The following CUBN variants were observed in gnomAD, a reference collection of about 807,000 sequenced individuals.
The protein encoded by CUBN is 460 kDa receptor.
A neutral mutation model predicts 405.3 loss-of-function variants in CUBN; 282 were observed. That is an observed-to-expected ratio of 0.70 (90% CI 0.63 to 0.77). CUBN has a LOEUF of 0.77. Among genes scored for constraint, CUBN ranks in the 30% least tolerant of loss-of-function variants. CUBN has a pLI of 0.00. For missense variants in CUBN, 4,514 were observed against 4,475.2 expected, an observed-to-expected ratio of 1.01 and a Z score of -0.25; for synonymous variants, 1,684 against 1,617.0, an observed-to-expected ratio of 1.04 and a Z score of -0.99.
At chr10:16,995,922 G>T (rs7095468) in intron 28 of CUBN, among the ~76,000 whole-genome samples, 1 of 152,130 alleles carries the variant, frequency 6.6e-6, no homozygotes. Context: ...CATTGTAGAG[G>T]TGAGCAAAGT....
At position 17,068,696 on chromosome 10, in the gene CUBN, T is replaced by A. The variant is rs766138396; in HGVS notation, c.2700A>T (p.Thr900=). 27 of 1,612,028 alleles carry A rather than the reference T, an allele frequency of 1.7e-5. No homozygotes were observed. The highest frequency in any genetic ancestry group is 2.2e-5 in the Non-Finnish European group (26 of 1,178,360). The change falls in exon 20 of 67, where the codon ACA becomes ACT. Residue 900 remains threonine (T), a synonymous_variant. Coordinates refer to ENST00000377833, the MANE Select transcript of CUBN (RefSeq NM_001081.4). ...YCGTDIPSFI[T]SVYNFLYVTF... ...TGACATAAAGAAAATTGTACACAGA[T>A]GTTATAAATGAAGGTATGTCTGTAC...
At chr10:17,024,793 A>G (rs551688905) in intron 27 of CUBN, among the ~76,000 whole-genome samples, 48 of 152,314 alleles carry the variant, frequency 3.2e-4, no homozygotes, top group Admixed American at 2.2e-3. Context: ...AGTGCGAGCC[A>G]CCATGCCCAG....
Position 16,933,245 on chromosome 10 carries a change from A to G in CUBN, c.5966T>C (p.Val1989Ala), listed in dbSNP as rs1842412129. The change falls in exon 40 of 67, where the codon GTG becomes GCG. Residue 1989 changes from valine (V) to alanine (A), a missense_variant. Physicochemically the swap from Val to Ala is moderately conservative, Grantham distance 64. Transcript: ENST00000377833. ...GGFLRTGDAP[V>A]FLFSPGWPDS... is the part of the protein sequence containing the mutation. ...AGGCCAGCCCGGGGAGAAGAGAAAC[A>G]CGGGTGCATCTCCCGTCCTCAGGAA... 3 of 1,613,844 alleles carry G rather than the reference A, an allele frequency of 1.9e-6. No homozygotes were observed. The highest frequency in any genetic ancestry group is 2.5e-6 in the Non-Finnish European group (3 of 1,179,992).
chr10:16,896,526 C>CT (rs1841188318), intron 54 of CUBN, among the ~76,000 whole-genome samples: 1 of 152,168 alleles, frequency 6.6e-6, no homozygotes, highest in African/African-American at 2.4e-5. Flanking sequence ...GAGAAATCTG[C>CT]TTTTATTCTA....
At chr10:17,082,407 T>G (rs1242276696) in intron 17 of CUBN, among the ~76,000 whole-genome samples, 2 of 152,208 alleles carry the variant, frequency 1.3e-5, no homozygotes, top group Non-Finnish European at 2.9e-5. Flanking sequence ...TGATTTTTTG[T>G]GCAAACTTTT....
At chr10:17,101,179 T>A (rs189808365) in intron 13 of CUBN, among the ~76,000 whole-genome samples, 2 of 152,200 alleles carry the variant, frequency 1.3e-5, no homozygotes, top group Non-Finnish European at 2.9e-5. Flanking sequence ...TAAATGAAAC[T>A]CAAATGTTCA....
intron 54 of CUBN, among the ~76,000 whole-genome samples, chr10:16,897,155 A>G (rs1479325969): frequency 6.6e-6 from 1 of 152,218 alleles, no homozygotes; most frequent in African/African-American, 2.4e-5. Context: ...CACTGTTGAC[A>G]TCACTTGATT....
chr10:16,928,524 A>T (rs376516470), intron 40 of CUBN, among the ~76,000 whole-genome samples: 10 of 99,674 alleles, frequency 1.0e-4, no homozygotes, highest in Admixed American at 3.4e-4. Flanking sequence ...ACCCCACCCC[A>T]CCCCCCCCTT....
At chr10:16,850,892 G>A (rs1324577286) in intron 60 of CUBN, among the ~76,000 whole-genome samples, 1 of 152,162 alleles carries the variant, frequency 6.6e-6, no homozygotes, top group Non-Finnish European at 1.5e-5. Flanking sequence ...CACTGACATT[G>A]TTTATTTTAG....
At chr10:17,056,292 C>T (rs1002892052) in intron 22 of CUBN, among the ~76,000 whole-genome samples, 3 of 152,066 alleles carry the variant, frequency 2.0e-5, no homozygotes, top group African/African-American at 7.2e-5. Flanking sequence ...GATCATAGAA[C>T]ACGTATAAAA....
intron 25 of CUBN, 106 bp downstream of exon 25, chr10:17,044,901 T>C (rs1835090925): frequency 8.8e-7 from 1 of 1,139,652 alleles, no homozygotes; most frequent in South Asian, 1.3e-5. Context: ...ATATGGATGT[T>C]CGGTTTAGAT....
chr10:17,055,952 C>G (rs1259437619), intron 22 of CUBN, among the ~76,000 whole-genome samples: 1 of 151,946 alleles, frequency 6.6e-6, no homozygotes, highest in Admixed American at 6.6e-5. Context: ...TCTAGGATAG[C>G]CCAAACAATT....
At chr10:17,115,311 C>A (rs1836867480) in intron 7 of CUBN, among the ~76,000 whole-genome samples, 160 bp downstream of exon 7, 1 of 151,810 alleles carries the variant, frequency 6.6e-6, no homozygotes, top group Admixed American at 6.6e-5. Context: ...CTACTTCCTG[C>A]ATAGTTCATC....
intron 28 of CUBN, among the ~76,000 whole-genome samples, chr10:17,017,516 G>A (rs1444374878): frequency 6.6e-6 from 1 of 152,158 alleles, no homozygotes; most frequent in East Asian, 1.9e-4. Flanking sequence ...TCCTGAGGAA[G>A]GGAAGGGATC....
At chr10:17,063,146 A>G (rs896800991) in intron 22 of CUBN, among the ~76,000 whole-genome samples, 2 of 152,162 alleles carry the variant, frequency 1.3e-5, no homozygotes, top group African/African-American at 4.8e-5. Context: ...CCCCTCAGCA[A>G]TGCATGAGAG....
chr10:16,933,200 A>T lies in CUBN; in HGVS notation c.6011T>A (p.Val2004Glu). Residue 2004 changes from valine (V) to glutamate (E), a missense_variant, in exon 40 of 67, where the codon GTG becomes GAG. Val to Glu is a moderately radical substitution (Grantham distance 121). Around this residue, in one of 5 missense-constraint regions of CUBN, gnomAD observed 1,613 missense variants for 1,542.8 expected, o/e 1.05. Transcript: ENST00000377833. ...PGWPDSYSNR[V>E]DCTWLIQAPD... is the part of the protein sequence containing the mutation. ...AGCCTGGATGAGCCACGTACAGTCC[A>T]CTCTATTACTGTAACTGTCAGGCCA... 6.2e-7 allele frequency: 1 copy of T among 1,613,888 alleles called. No individual in the cohort carries two copies. The highest frequency in any genetic ancestry group is 8.5e-7 in the Non-Finnish European group (1 of 1,179,906).
intron 28 of CUBN, among the ~76,000 whole-genome samples, chr10:17,016,775 G>A (rs892776098): frequency 4.6e-5 from 7 of 152,168 alleles, no homozygotes; most frequent in African/African-American, 1.2e-4. Context: ...AATAGGGAGC[G>A]GAGCTATAGG....
intron 37 of CUBN, 152 bp from the exon 38 acceptor site, chr10:16,939,299 T>C (rs1006373513): frequency 2.8e-6 from 2 of 713,870 alleles, no homozygotes; most frequent in Non-Finnish European, 4.9e-6. Flanking sequence ...TGCCTCCTTT[T>C]TGGTTTCTGG....
intron 56 of CUBN, among the ~76,000 whole-genome samples, chr10:16,884,068 C>G (rs1840739523): frequency 6.6e-6 from 1 of 152,206 alleles, no homozygotes. Flanking sequence ...CAAGCTCCGC[C>G]TCCCGGGTTC....
Sources: allele counts gnomAD v4.1 joint callset (sites outside exome capture counted in the v4.1 genomes callset), GRCh38; gene constraint gnomAD v4.1.1; regional missense constraint gnomAD v4.1.1; transcripts MANE v1.5; gene names NCBI Gene and HGNC (gene_info 2026-07-23, HGNC 2026-07-21).